Variants in FBXL17 observed in about 807,000 individuals in gnomAD.
FBXL17 encodes the protein F-box/LRR-repeat protein 17.
A neutral mutation model predicts 66.2 loss-of-function variants in FBXL17; 22 were observed. The observed-to-expected ratio is 0.33, with a 90% CI of 0.24 to 0.47. FBXL17 has a LOEUF of 0.47. Ranked by LOEUF, FBXL17 falls within the 20% of genes least tolerant of loss-of-function variation. The pLI is 1.00. For synonymous variants in FBXL17, 474 were observed against 400.5 expected (o/e 1.18, Z -2.19); for missense variants, 878 against 948.2 (o/e 0.93, Z 0.97).
chr5:108,224,077 T>TA, intron 5 of FBXL17, 44 bp downstream of exon 5: 2 of 1,004,878 alleles, frequency 2.0e-6, no homozygotes, highest in Non-Finnish European at 1.6e-6. Flanking sequence ...TCATCACCTG[T>TA]ATGATACTCA....
intron 4 of FBXL17, among the ~76,000 whole-genome samples, chr5:108,255,524 A>G (rs1756538625): frequency 6.6e-6 from 1 of 152,158 alleles, no homozygotes; most frequent in Non-Finnish European, 1.5e-5. Flanking sequence ...TTCATCATCA[A>G]TAGGCTTTCC....
At chr5:108,371,738 A>C (rs1749052080) in intron 1 of FBXL17, among the ~76,000 whole-genome samples, 1 of 152,232 alleles carries the variant, frequency 6.6e-6, no homozygotes, top group East Asian at 1.9e-4. Context: ...TTATGAAAAT[A>C]AATCAAATAA....
intron 2 of FBXL17, among the ~76,000 whole-genome samples, chr5:108,366,210 G>A (rs1480668965): frequency 2.0e-5 from 3 of 151,870 alleles, no homozygotes; most frequent in Non-Finnish European, 2.9e-5. Context: ...TTTCTCAGAC[G>A]ACTCAATTCA....
chr5:108,040,580 GC>G (rs1478925825), intron 6 of FBXL17, among the ~76,000 whole-genome samples: 1 of 152,090 alleles, frequency 6.6e-6, no homozygotes, highest in Non-Finnish European at 1.5e-5. Context: ...TCCCTGACAT[GC>G]AAAGATTTCA....
intron 3 of FBXL17, among the ~76,000 whole-genome samples, chr5:108,349,560 A>G (rs1174934511): frequency 1.3e-5 from 2 of 152,214 alleles, no homozygotes; most frequent in African/African-American, 4.8e-5. Flanking sequence ...AACCAATAAC[A>G]TATTCCTACA....
chr5:108,243,778 A>C (rs932333924), intron 4 of FBXL17, among the ~76,000 whole-genome samples: 8 of 152,192 alleles, frequency 5.3e-5, no homozygotes, highest in Non-Finnish European at 1.2e-4. Flanking sequence ...TCACTTACCA[A>C]AAGTTGATTG....
intron 7 of FBXL17, among the ~76,000 whole-genome samples, chr5:107,941,920 G>A (rs976208411): frequency 2.0e-5 from 3 of 152,162 alleles, no homozygotes; most frequent in African/African-American, 7.2e-5. Flanking sequence ...CGTCGTGGCT[G>A]AAAGTTCTAT....
chr5:108,326,886 C>T (rs1342022610), intron 4 of FBXL17, among the ~76,000 whole-genome samples: 2 of 152,096 alleles, frequency 1.3e-5, no homozygotes, highest in African/African-American at 2.4e-5. Context: ...TAAAAAATGG[C>T]ACAACCACCT....
intron 6 of FBXL17, among the ~76,000 whole-genome samples, chr5:108,064,766 G>C (rs961325115): frequency 6.6e-6 from 1 of 152,150 alleles, no homozygotes; most frequent in Non-Finnish European, 1.5e-5. Flanking sequence ...GGCAGAGTTA[G>C]AACTAAAGGG....
Position 108,074,778 on chromosome 5 carries a change from T to C in FBXL17, c.1746-53777A>G, listed in dbSNP as rs191209890. Among the ~76,000 whole-genome samples the C allele has an allele frequency of 2.8e-4, 43 of 152,294 alleles. 1 individual carries two copies. In the East Asian group the frequency reaches 3.7e-3, roughly 13 times the overall value. On this transcript the variant is annotated intron_variant, in intron 6 of 8. Transcript: ENST00000542267. ...GCTTTTGTGGGTACCAGAGATTACT[T>C]TGTACTATGAGAGAACACTTGACCT...
intron 6 of FBXL17, among the ~76,000 whole-genome samples, chr5:108,139,980 C>G (rs1288763826): frequency 6.6e-6 from 1 of 152,108 alleles, no homozygotes; most frequent in African/African-American, 2.4e-5. Context: ...GTTTCTCCCA[C>G]TTTGAAAGAC....
At position 108,043,914 on chromosome 5, in the gene FBXL17, T is replaced by C. The variant is rs140310645; in HGVS notation, c.1746-22913A>G. Among the ~76,000 whole-genome samples, 571 of 152,326 alleles carry C rather than the reference T, an allele frequency of 3.7e-3. 5 individuals are homozygous for C. The highest frequency in any genetic ancestry group is 0.013 in the African/African-American group (528 of 41,578). On this transcript the variant is annotated intron_variant, in intron 6 of 8. Transcript: ENST00000542267. ...TATAATTTCTGGCATACAATCCCTA[T>C]ACAAGTTTTCATTGGTTTACTTCTT... is the stretch of plus-strand genomic sequence containing the variant.
At chr5:108,055,280 G>GAAAAGAGAAA (rs1747643646) in intron 6 of FBXL17, among the ~76,000 whole-genome samples, 1 of 23,692 alleles carries the variant, frequency 4.2e-5, no homozygotes, top group African/African-American at 1.5e-4. Flanking sequence ...AGAATTTTTA[G>GAAAAGAGAAA]AAAAAAAAAA....
intron 4 of FBXL17, among the ~76,000 whole-genome samples, chr5:108,229,888 C>T (rs1755251723): frequency 6.6e-6 from 1 of 151,772 alleles, no homozygotes; most frequent in Non-Finnish European, 1.5e-5. Flanking sequence ...ACAAACAATC[C>T]CATCAAAAAG....
chr5:107,994,451 G>T (rs147325066), intron 7 of FBXL17, among the ~76,000 whole-genome samples: 1 of 151,946 alleles, frequency 6.6e-6, no homozygotes, highest in African/African-American at 2.4e-5. Context: ...GAGGCCACAG[G>T]TAATTAATTA....
intron 4 of FBXL17, among the ~76,000 whole-genome samples, chr5:108,228,548 TA>T (rs1361986171): frequency 6.6e-6 from 1 of 152,140 alleles, no homozygotes; most frequent in Admixed American, 6.5e-5. Context: ...AATGTGAGGG[TA>T]AAATAAGATA....
chr5:107,913,543 CTACT>C (rs1460455291), intron 7 of FBXL17, among the ~76,000 whole-genome samples: 2 of 152,068 alleles, frequency 1.3e-5, no homozygotes, highest in African/African-American at 2.4e-5. Flanking sequence ...TCAGAGAGTG[CTACT>C]TAGTTTCAAA....
At chr5:108,361,166 T>A (rs997033815) in intron 3 of FBXL17, among the ~76,000 whole-genome samples, 13 of 152,138 alleles carry the variant, frequency 8.5e-5, no homozygotes, top group African/African-American at 3.1e-4. Flanking sequence ...CCTTGTAATT[T>A]ATTGTTGAAA....
intron 6 of FBXL17, among the ~76,000 whole-genome samples, chr5:108,176,099 G>A (rs1373774829): frequency 6.6e-6 from 1 of 152,078 alleles, no homozygotes; most frequent in Non-Finnish European, 1.5e-5. Context: ...CAGTCAATAA[G>A]GTATCATCAT....
Sources: allele counts gnomAD v4.1 joint callset (sites outside exome capture counted in the v4.1 genomes callset), GRCh38; gene constraint gnomAD v4.1.1; transcripts MANE v1.5; gene names NCBI Gene and HGNC (gene_info 2026-07-23, HGNC 2026-07-21).